PITHD1: variants seen among roughly 807,000 people sequenced by gnomAD.
PITHD1 encodes the protein PITH domain-containing protein 1.
PITHD1 carries 8 observed loss-of-function variants against 27.5 expected under a neutral mutation model. The observed-to-expected ratio is 0.29, with a 90% CI of 0.17 to 0.52. PITHD1 has a LOEUF of 0.52. PITHD1 is among the 20% of genes least tolerant of loss of function. The pLI, the probability that PITHD1 is intolerant of heterozygous loss-of-function variation, is 0.96. For synonymous variants in PITHD1, 118 were observed against 106.8 expected, an observed-to-expected ratio of 1.10 and a Z score of -0.64; for missense variants, 233 against 283.9, an observed-to-expected ratio of 0.82 and a Z score of 1.29.
intron 4 of PITHD1, 140 bp from the exon 5 acceptor site, chr1:23,786,174 TC>T (rs1204680447): frequency 3.6e-6 from 2 of 550,232 alleles, no homozygotes; most frequent in Admixed American, 3.0e-5. Context: ...TAATTGCCTG[TC>T]CAAAGGAGAA....
At position 23,786,339 on chromosome 1, in the gene PITHD1, T is replaced by C. The variant is rs374672182; in HGVS notation, c.450T>C (p.Tyr150=). Residue 150 remains tyrosine, a synonymous_variant, in exon 5 of 6, where the codon TAT becomes TAC. Coordinates refer to ENST00000246151, the MANE Select transcript of PITHD1 (RefSeq NM_020362.5). ...GAATTTCTCGTTTTTCAAATGTCTA[T>C]CATCTCTCAATTCATATTTCAAAAA... ...ATKISRFSNV[Y]HLSIHISKNF... The C allele has an allele frequency of 6.3e-7, 1 of 1,587,874 alleles. No homozygotes were observed. The highest frequency in any genetic ancestry group is 8.6e-7 in the Non-Finnish European group (1 of 1,157,320).
chr1:23,785,854 C>A, intron 4 of PITHD1, 75 bp downstream of exon 4: 1 of 800,108 alleles, frequency 1.2e-6, no homozygotes, highest in Non-Finnish European at 2.2e-6. Flanking sequence ...CAGTCTCCTG[C>A]TCTCTTAGCA....
chr1:23,779,651 CAG>C (rs1483987345), intron 2 of PITHD1, 170 bp downstream of exon 2: 7 of 668,188 alleles, frequency 1.0e-5, no homozygotes, highest in Admixed American at 2.6e-5. Flanking sequence ...AGACTGGAAA[CAG>C]ATGTATTTGT....
At chr1:23,785,867 G>A in intron 4 of PITHD1, 88 bp downstream of exon 4, 1 of 733,056 alleles carries the variant, frequency 1.4e-6, no homozygotes, top group Non-Finnish European at 2.4e-6. Context: ...TCTTAGCATT[G>A]GAAATGAGTT....
rs1251197297 is a variant in PITHD1 at position 23,787,758 on chromosome 1, T to TAGGAAAC, written c.*382_*383insAGGAAAC. On this transcript the variant is annotated 3_prime_UTR_variant, in exon 6 of 6. Transcript: ENST00000246151. ...GTTTTTGTTTTTTTAAAGGAAACTA[T>TAGGAAAC]TTGTGGGCTATAGGAAACTTTCTGA... is the stretch of plus-strand genomic sequence containing the variant. The TAGGAAAC allele has an allele frequency of 6.4e-6, 1 of 157,410 alleles. No individual in the cohort carries two copies. Among genetic ancestry groups the TAGGAAAC allele is most frequent in the Non-Finnish European group, 1.4e-5 (1 of 71,344 alleles). 9.8% of individuals were successfully genotyped at this position (157,410 alleles called of 1,614,324 possible).
At chr1:23,783,100 C>T (rs1205897509) in intron 3 of PITHD1, among the ~76,000 whole-genome samples, 17 of 150,090 alleles carry the variant, frequency 1.1e-4, no homozygotes, top group Non-Finnish European at 1.5e-5. Context: ...GGGTTCACGC[C>T]ATTCTCCCAT....
rs1254277987 is a variant in PITHD1, at chr1:23,786,837, C to G, written c.534+414C>G. On this transcript the variant is annotated intron_variant, in intron 5 of 5. Coordinates refer to ENST00000246151, the MANE Select transcript of PITHD1 (RefSeq NM_020362.5). ...GAACTCCTGACCTCAGGTGATCTGCCCATCTCAGCCTCCCAAAATGTTGGG... is the reference window on the plus strand; with the variant it reads ...GAACTCCTGACCTCAGGTGATCTGCGCATCTCAGCCTCCCAAAATGTTGGG... Among the ~76,000 whole-genome samples the G allele has an allele frequency of 2.0e-5, 3 of 152,114 alleles. No individual in the cohort carries two copies. In the East Asian group the frequency reaches 5.8e-4, roughly 29 times the overall value.
chr1:23,778,572 G>A lies in PITHD1; in HGVS notation c.57G>A (p.Glu19=), dbSNP rs1638545300. 7.4e-6 allele frequency: 10 copies of A among 1,344,350 alleles called. No homozygotes were observed. The highest frequency in any genetic ancestry group is 2.7e-4 in the Middle Eastern group (1 of 3,678). 83.3% of individuals were successfully genotyped at this position (1,344,350 alleles called of 1,614,324 possible). A position where few individuals can be genotyped will look rare whatever the true frequency, so the allele number is the denominator to read the frequency against. The part of the protein sequence containing the change: ...GGGCRCAAER[E]EPPEQRGLAY... ...GCTGCCGCTGCGCCGCCGAACGGGA[G>A]GAGCCGCCCGAGCAGCGCGGCCTGG... Residue 19 remains glutamate (E), a synonymous_variant, in exon 1 of 6, where the codon GAG becomes GAA. Transcript: ENST00000246151.
rs1638672409 is a variant in PITHD1, at chr1:23,785,714, A to G, written c.360A>G (p.Glu120=). The change falls in exon 4 of 6, where the codon GAA becomes GAG. Residue 120 remains glutamate, a synonymous_variant. Coordinates refer to ENST00000246151, the MANE Select transcript of PITHD1 (RefSeq NM_020362.5). ...NIPQMSFDDT[E]REPDQTFSLN... is the part of the protein sequence containing the mutation. ...CACAGATGTCCTTTGATGATACAGA[A>G]AGGGAGCCAGATCAGACCTTTAGTC... 1 of 1,610,668 alleles carries G rather than the reference A, an allele frequency of 6.2e-7. No individual in the cohort carries two copies. The highest frequency in any genetic ancestry group is 1.3e-5 in the African/African-American group (1 of 74,854).
chr1:23,783,129 G>A (rs895417701), intron 3 of PITHD1, among the ~76,000 whole-genome samples: 1 of 148,748 alleles, frequency 6.7e-6, no homozygotes, highest in Non-Finnish European at 1.5e-5. Context: ...CCTGAGTAGC[G>A]GGGACTACAG....
chr1:23,778,695 G>T lies in PITHD1; in HGVS notation c.180G>T (p.Glu60Asp). 1 of 1,302,518 alleles carries T rather than the reference G, an allele frequency of 7.7e-7. No individual in the cohort carries two copies. Among genetic ancestry groups the T allele is most frequent in the Non-Finnish European group, 9.7e-7 (1 of 1,026,996 alleles). The allele number at this position is 1,302,518 out of a possible 1,614,324, so 80.7% of individuals were successfully genotyped here. A position where few individuals can be genotyped will look rare whatever the true frequency, so the allele number is the denominator to read the frequency against. Residue 60 changes from glutamate to aspartate, a missense_variant, in exon 1 of 6, where the codon GAG (glutamate) becomes GAT (aspartate). Transcript: ENST00000246151. The part of the protein sequence containing the change: ...SGRGVFKPWE[E>D]RTDRSKFVES... Reference sequence around the variant, plus strand: ...GCGGCGTCTTCAAGCCGTGGGAGGAGCGGACCGACCGCTCCAAGGTGGGCC... The same window carrying T: ...GCGGCGTCTTCAAGCCGTGGGAGGATCGGACCGACCGCTCCAAGGTGGGCC...
intron 3 of PITHD1, among the ~76,000 whole-genome samples, chr1:23,783,935 A>G (rs1250730315): frequency 6.6e-6 from 1 of 152,218 alleles, no homozygotes; most frequent in Non-Finnish European, 1.5e-5. Context: ...TTTCCATAGT[A>G]AAGTTTTTTC....
chr1:23,779,741 C>T, intron 2 of PITHD1, 123 bp from the exon 3 acceptor site: 2 of 745,568 alleles, frequency 2.7e-6, no homozygotes, highest in Non-Finnish European at 4.8e-6. Context: ...TAGAAATTAT[C>T]TAGTACAAGT....
intron 3 of PITHD1, among the ~76,000 whole-genome samples, chr1:23,781,671 T>C (rs1420929333): frequency 6.6e-6 from 1 of 152,212 alleles, no homozygotes; most frequent in Non-Finnish European, 1.5e-5. Context: ...CCATGCTGCA[T>C]TGTGATTTAG....
intron 2 of PITHD1, 191 bp from the exon 3 acceptor site, chr1:23,779,673 A>C (rs1638566849): frequency 1.5e-6 from 1 of 655,388 alleles, no homozygotes; most frequent in African/African-American, 1.8e-5. Context: ...TAGAACAATA[A>C]CTGAGAAATT....
chr1:23,786,289 C>T (rs965225090), intron 4 of PITHD1, 26 bp from the exon 5 acceptor site: 1 of 1,037,064 alleles, frequency 9.6e-7, no homozygotes, highest in Non-Finnish European at 1.5e-6. Context: ...TTCATACCTT[C>T]TTTCCCTATT....
intron 3 of PITHD1, among the ~76,000 whole-genome samples, chr1:23,781,752 C>G (rs1638603942): frequency 6.6e-6 from 1 of 152,068 alleles, no homozygotes; most frequent in South Asian, 2.1e-4. Context: ...ACTTTGAGAC[C>G]TTATCTTCTC....
chr1:23,778,629 G>A lies in PITHD1; in HGVS notation c.114G>A (p.Glu38=). The A allele has an allele frequency of 7.5e-7, 1 of 1,333,662 alleles. No homozygotes were observed. Among genetic ancestry groups the A allele is most frequent in the Admixed American group, 3.9e-5 (1 of 25,922 alleles). The allele number at this position is 1,333,662 out of a possible 1,614,324, so 82.6% of individuals were successfully genotyped here. The change falls in exon 1 of 6, where the codon GAG becomes GAA. Residue 38 remains glutamate, a synonymous_variant. Coordinates refer to ENST00000246151, the MANE Select transcript of PITHD1 (RefSeq NM_020362.5). ...GCCTGTACCTGCGCATCGACCTGGAGCGGCTGCAATGCCTTAACGAGAGCC... is the reference window on the plus strand; with the variant it reads ...GCCTGTACCTGCGCATCGACCTGGAACGGCTGCAATGCCTTAACGAGAGCC... ...AYGLYLRIDL[E]RLQCLNESRE...
intron 1 of PITHD1, 160 bp from the exon 2 acceptor site, chr1:23,779,278 A>G (rs970246287): frequency 2.0e-5 from 13 of 639,350 alleles, no homozygotes; most frequent in African/African-American, 5.6e-5. Flanking sequence ...ATGACACTGG[A>G]TAAGACTGGT....
Sources: allele counts gnomAD v4.1 joint callset (sites outside exome capture counted in the v4.1 genomes callset), GRCh38; gene constraint gnomAD v4.1.1; transcripts MANE v1.5; gene names NCBI Gene and HGNC (gene_info 2026-07-23, HGNC 2026-07-21).